Variants in MAF observed in about 807,000 individuals in gnomAD.
The protein encoded by MAF is transcription factor Maf.
MAF carries 10 observed loss-of-function variants against 22.0 expected under a neutral mutation model. That is an observed-to-expected ratio of 0.45 (90% CI 0.28 to 0.77). The LOEUF (loss-of-function observed/expected upper bound fraction) is 0.77. Among genes scored for constraint, MAF ranks in the 30% least tolerant of loss-of-function variants. The pLI, the probability that MAF is intolerant of heterozygous loss-of-function variation, is 0.12. For synonymous variants in MAF, 337 were observed against 255.8 expected (o/e 1.32, Z -3.03); for missense variants, 544 against 548.4 (o/e 0.99, Z 0.08).
chr16:79,312,495 C>T, the MAF span, among the ~76,000 whole-genome samples: 2 of 152,218 alleles, frequency 1.3e-5, no homozygotes, highest in Admixed American at 1.3e-4. Context: ...CCATTGGCTT[C>T]TCTGTGATAG....
At chr16:79,384,113 G>A in the MAF span, among the ~76,000 whole-genome samples, 9 of 152,236 alleles carry the variant, frequency 5.9e-5, no homozygotes, top group South Asian at 1.7e-3. Flanking sequence ...AGAACAGGAA[G>A]GGAGTCAGGA....
chr16:79,203,501 T>G, the MAF span: 2 of 151,880 alleles, frequency 1.3e-5, no homozygotes, highest in East Asian at 3.8e-4. Context: ...TTGTGTTTTT[T>G]TTTTTTTTTT....
At chr16:79,585,015 A>C (rs1912752534), downstream of MAF, among the ~76,000 whole-genome samples, 1 of 152,200 alleles carries the variant, frequency 6.6e-6, no homozygotes, top group Admixed American at 6.5e-5. Flanking sequence ...TTTCACTAAA[A>C]ACCAAAAAAT....
chr16:79,442,467 G>A, the MAF span, among the ~76,000 whole-genome samples: 1 of 152,208 alleles, frequency 6.6e-6, no homozygotes, highest in African/African-American at 2.4e-5. Flanking sequence ...ATACTCTTGG[G>A]CTCAAGCGAT....
the MAF span, among the ~76,000 whole-genome samples, chr16:79,423,761 G>T: frequency 6.6e-6 from 1 of 152,154 alleles, no homozygotes; most frequent in African/African-American, 2.4e-5. Flanking sequence ...CTGGGAACCA[G>T]CAACTTAACT....
At chr16:79,482,192 T>C in the MAF span, among the ~76,000 whole-genome samples, 72 of 152,334 alleles carry the variant, frequency 4.7e-4, no homozygotes, top group South Asian at 8.3e-4. Flanking sequence ...TAACAGCCTG[T>C]CCTCCTAATA....
chr16:79,376,173 A>C, the MAF span, among the ~76,000 whole-genome samples: 29 of 152,062 alleles, frequency 1.9e-4, no homozygotes, highest in Admixed American at 1.8e-3. Context: ...CGTATGTATT[A>C]AGATTCTAAT....
the MAF span, among the ~76,000 whole-genome samples, chr16:79,376,289 T>C: frequency 6.6e-6 from 1 of 152,148 alleles, no homozygotes; most frequent in Non-Finnish European, 1.5e-5. Flanking sequence ...GTTGCATCTA[T>C]CTTAATCTGA....
chr16:79,437,777 G>T, the MAF span, among the ~76,000 whole-genome samples: 1 of 152,196 alleles, frequency 6.6e-6, no homozygotes, highest in Non-Finnish European at 1.5e-5. Context: ...CTGGCATTGG[G>T]CAGGCTCAAT....
chr16:79,576,742 C>T, the MAF span, among the ~76,000 whole-genome samples: 2 of 152,136 alleles, frequency 1.3e-5, no homozygotes, highest in Admixed American at 1.3e-4. Flanking sequence ...CAAGGCCAAG[C>T]ATGGCAGAGT....
the MAF span, among the ~76,000 whole-genome samples, chr16:79,447,551 G>A: frequency 3.9e-5 from 6 of 152,140 alleles, no homozygotes; most frequent in South Asian, 2.1e-4. Flanking sequence ...GCTGCTATAA[G>A]TAGTGACCCC....
At chr16:79,257,227 G>A in the MAF span, among the ~76,000 whole-genome samples, 1 of 152,010 alleles carries the variant, frequency 6.6e-6, no homozygotes, top group Non-Finnish European at 1.5e-5. Context: ...AAAAACTGGT[G>A]AAATCTGAAT....
the MAF span, among the ~76,000 whole-genome samples, chr16:79,231,231 G>A: frequency 2.0e-5 from 3 of 152,006 alleles, no homozygotes; most frequent in Non-Finnish European, 4.4e-5. Context: ...TATCTCAAGT[G>A]CTCAAAGGCC....
At chr16:79,477,505 T>C in the MAF span, among the ~76,000 whole-genome samples, 57,062 of 152,054 alleles carry the variant, frequency 0.38, 11,812 homozygotes, top group Middle Eastern at 0.47. Context: ...GTGTTCACAG[T>C]AGGAGAGGAA....
At chr16:79,596,674 C>G in intron 1 of MAF, 1 of 1,035,790 alleles carries the variant, frequency 9.7e-7, no homozygotes, top group Non-Finnish European at 1.2e-6. Context: ...GTAAGATTTA[C>G]TTTTCATTTC....
intron 1 of MAF, chr16:79,598,314 A>G: frequency 9.1e-7 from 1 of 1,101,968 alleles, no homozygotes; most frequent in South Asian, 3.8e-5. Flanking sequence ...CAGAAAATGA[A>G]CACCAGTTCA....
the MAF span, among the ~76,000 whole-genome samples, chr16:79,461,044 T>C: frequency 2.0e-5 from 3 of 152,216 alleles, no homozygotes; most frequent in Non-Finnish European, 4.4e-5. Context: ...CAAAAACACA[T>C]GTATTTGTGA....
At chr16:79,247,529 G>C in the MAF span, among the ~76,000 whole-genome samples, 11 of 152,084 alleles carry the variant, frequency 7.2e-5, no homozygotes, top group Non-Finnish European at 1.3e-4. Flanking sequence ...TTAGGCACTT[G>C]GTAAACTGGC....
the MAF span, among the ~76,000 whole-genome samples, chr16:79,474,859 T>G: frequency 9.9e-5 from 15 of 152,168 alleles, no homozygotes; most frequent in Non-Finnish European, 1.5e-4. Context: ...GCCATCACTG[T>G]ATCAGGAGAG....
Sources: gnomAD v4.1 joint callset for allele counts (sites outside exome capture counted in the v4.1 genomes callset) on GRCh38, gnomAD v4.1.1 for gene constraint, MANE v1.5 for transcripts, NCBI Gene and HGNC (gene_info 2026-07-23, HGNC 2026-07-21) for gene names.